BRPF3: variants seen among roughly 807,000 people sequenced by gnomAD.
BRPF3 encodes bromodomain and PHD finger-containing protein 3.
A neutral mutation model predicts 102.0 loss-of-function variants in BRPF3; 18 were observed. That is an observed-to-expected ratio of 0.18 (90% CI 0.12 to 0.26). The LOEUF is 0.26. Ranked by LOEUF, BRPF3 falls within the 10% of genes least tolerant of loss-of-function variation. The probability of loss-of-function intolerance (pLI) is 1.00; values close to 1 mark genes in which losing one functional copy is unlikely to be tolerated. For synonymous variants in BRPF3, 570 were observed against 614.2 expected (o/e 0.93, Z 1.06); for missense variants, 1,147 against 1,567.8 (o/e 0.73, Z 4.53).
intron 1 of BRPF3, 37 bp downstream of exon 1, chr6:36,197,007 G>A (rs1238418438): frequency 3.3e-5 from 5 of 151,994 alleles, no homozygotes; most frequent in Non-Finnish European, 7.3e-5. Context: ...CAGAGCGGGG[G>A]CGGGGGCATC....
At chr6:36,198,466 C>CT (rs1767585408) in intron 1 of BRPF3, among the ~76,000 whole-genome samples, 1 of 152,324 alleles carries the variant, frequency 6.6e-6, no homozygotes, top group Non-Finnish European at 1.5e-5. Context: ...TTAATTCCCA[C>CT]TGAGAGGAAT....
intron 10 of BRPF3, among the ~76,000 whole-genome samples, chr6:36,222,869 A>G (rs577779310): frequency 6.6e-6 from 1 of 152,362 alleles, no homozygotes; most frequent in African/African-American, 2.4e-5. Flanking sequence ...TTTTATATCC[A>G]TAGGGAGCCT....
intron 8 of BRPF3, among the ~76,000 whole-genome samples, chr6:36,216,154 T>C (rs1768321553): frequency 6.6e-6 from 1 of 152,204 alleles, no homozygotes; most frequent in African/African-American, 2.4e-5. Context: ...TCTCTGAGCC[T>C]GTTTCCTTAT....
In BRPF3 at chr6:36,230,359, G is replaced by T; in HGVS notation, c.3435-67G>T. On this transcript the variant is annotated intron_variant, in intron 12 of 12. Coordinates refer to ENST00000357641, the MANE Select transcript of BRPF3 (RefSeq NM_015695.3). This position sits in a 1 kb window ranked among gnomAD's most constrained non-coding sequence, Gnocchi z 5.4. ...GCTTTGCTGGTCCTGGCCAAGTGGG[G>T]CCACAGGAGCCCGAGCCCCCTGTGA... is the stretch of plus-strand genomic sequence containing the variant. 2 of 1,532,974 alleles carry T rather than the reference G, an allele frequency of 1.3e-6. No individual in the cohort carries two copies. The highest frequency in any genetic ancestry group is 1.7e-5 in the Admixed American group (1 of 57,588). The allele number at this position is 1,532,974 out of a possible 1,614,324, so 95.0% of individuals were successfully genotyped here.
rs140652192 is a variant in BRPF3 at position 36,232,671 on chromosome 6, A to C, written c.*2062A>C. ...TTGTTTATAACAGATGGTATAAGAG[A>C]GGTAATAAACAGAGAAAAATCTATG... is the stretch of plus-strand genomic sequence containing the variant. On this transcript the variant is annotated 3_prime_UTR_variant, in exon 13 of 13. Transcript: ENST00000357641. The C allele has an allele frequency of 2.0e-5, 3 of 152,776 alleles. No individual in the cohort carries two copies. Among genetic ancestry groups the C allele is most frequent in the African/African-American group, 7.2e-5 (3 of 41,578 alleles). 9.5% of individuals were successfully genotyped at this position (152,776 alleles called of 1,614,324 possible). A position where few individuals can be genotyped will look rare whatever the true frequency, so the allele number is the denominator to read the frequency against.
intron 10 of BRPF3, among the ~76,000 whole-genome samples, chr6:36,222,748 A>G (rs936403357): frequency 1.3e-5 from 2 of 152,290 alleles, no homozygotes; most frequent in South Asian, 4.1e-4. Context: ...GTGTCCCATT[A>G]TATAGGAATG....
chr6:36,208,725 AATGAG>A (rs531924733), intron 4 of BRPF3, among the ~76,000 whole-genome samples: 115 of 152,336 alleles, frequency 7.5e-4, no homozygotes, highest in African/African-American at 2.3e-3. Flanking sequence ...GGTTCAGAGA[AATGAG>A]AGAGAGAAGA....
chr6:36,210,085 C>T lies in BRPF3; in HGVS notation c.1867-131C>T. The T allele has an allele frequency of 7.1e-7, 1 of 1,416,962 alleles. No homozygotes were observed. The highest frequency in any genetic ancestry group is 9.8e-7 in the Non-Finnish European group (1 of 1,021,048). The allele number at this position is 1,416,962 out of a possible 1,614,324, so 87.8% of individuals were successfully genotyped here. A position where few individuals can be genotyped will look rare whatever the true frequency, so the allele number is the denominator to read the frequency against. On this transcript the variant is annotated intron_variant, in intron 5 of 12. Transcript: ENST00000357641. The surrounding 1 kb of genome is among the most constrained non-coding windows in gnomAD (Gnocchi z 4.7). The stretch of plus-strand genomic sequence containing the variant: ...GAGGGGTCAGCAGGCCAGGGTGGGC[C>T]AGGACTGTAGGTCTTTGAGTTAGCC...
chr6:36,216,190 A>T (rs1037276825), intron 8 of BRPF3, among the ~76,000 whole-genome samples: 21 of 152,206 alleles, frequency 1.4e-4, no homozygotes, highest in Non-Finnish European at 3.1e-4. Flanking sequence ...TCTGATACCT[A>T]CCTTGCAGGG....
chr6:36,225,001 A>T (rs948934416), intron 10 of BRPF3, among the ~76,000 whole-genome samples: 2 of 152,256 alleles, frequency 1.3e-5, no homozygotes, highest in African/African-American at 4.8e-5. Context: ...CTTTCATGCT[A>T]TAACAACAGC....
At position 36,196,746 on chromosome 6, in the gene BRPF3, G is replaced by GGCGGCA. The variant is rs1191205639; in HGVS notation, c.-242_-237dup. The GGCGGCA allele has an allele frequency of 2.0e-5, 3 of 153,102 alleles. No homozygotes were observed. Among genetic ancestry groups the GGCGGCA allele is most frequent in the Admixed American group, 6.6e-5 (1 of 15,164 alleles). The allele number at this position is 153,102 out of a possible 1,614,324, so 9.5% of individuals were successfully genotyped here. The stretch of plus-strand genomic sequence containing the variant: ...CTCCCTCCCCTCGGCCGGGCTCCGT[G>GGCGGCA]GCGGCAGCGGCAGCAGCGGCGGCTC... On this transcript the variant is annotated 5_prime_UTR_variant, in exon 1 of 13. Transcript: ENST00000357641.
At position 36,210,592 on chromosome 6, in the gene BRPF3, G is replaced by A. The variant is rs1338327150; in HGVS notation, c.2179+64G>A. On this transcript the variant is annotated intron_variant, in intron 6 of 12. Coordinates refer to ENST00000357641, the MANE Select transcript of BRPF3 (RefSeq NM_015695.3). This position sits in a 1 kb window ranked among gnomAD's most constrained non-coding sequence, Gnocchi z 4.7. The stretch of plus-strand genomic sequence containing the variant: ...AGGAGGCACAGGAACAGAGTCTACA[G>A]AGTGAGGGATCAGGGTGGTCCTTGG... The A allele has an allele frequency of 6.8e-7, 1 of 1,478,178 alleles. No homozygotes were observed. Among genetic ancestry groups the A allele is most frequent in the African/African-American group, 1.4e-5 (1 of 71,312 alleles). The allele number at this position is 1,478,178 out of a possible 1,614,324, so 91.6% of individuals were successfully genotyped here. A position where few individuals can be genotyped will look rare whatever the true frequency, so the allele number is the denominator to read the frequency against.
chr6:36,223,103 T>G (rs1768608646), intron 10 of BRPF3, among the ~76,000 whole-genome samples: 1 of 152,086 alleles, frequency 6.6e-6, no homozygotes, highest in African/African-American at 2.4e-5. Context: ...GTGGGACAGG[T>G]GCAGAGCAGG....
Position 36,230,369 on chromosome 6 carries a change from C to A in BRPF3, c.3435-57C>A. On this transcript the variant is annotated intron_variant, in intron 12 of 12. Transcript: ENST00000357641. This position sits in a 1 kb window ranked among gnomAD's most constrained non-coding sequence, Gnocchi z 5.4. ...TCCTGGCCAAGTGGGGCCACAGGAGCCCGAGCCCCCTGTGAGACCCACTAC... is the reference window on the plus strand; with the variant it reads ...TCCTGGCCAAGTGGGGCCACAGGAGACCGAGCCCCCTGTGAGACCCACTAC... 1 of 1,558,688 alleles carries A rather than the reference C, an allele frequency of 6.4e-7. No individual in the cohort carries two copies. The highest frequency in any genetic ancestry group is 8.8e-7 in the Non-Finnish European group (1 of 1,138,580).
At position 36,202,023 on chromosome 6, in the gene BRPF3, A is replaced by C. The variant is rs142013926; in HGVS notation, c.1448+253A>C. 1.2e-3 allele frequency among the ~76,000 whole-genome samples: 189 copies of C among 152,334 alleles called. 4 individuals are homozygous for C. Among genetic ancestry groups the C allele is most frequent in the African/African-American group, 4.3e-3 (178 of 41,562 alleles). On this transcript the variant is annotated intron_variant, in intron 2 of 12. Coordinates refer to ENST00000357641, the MANE Select transcript of BRPF3 (RefSeq NM_015695.3). ...TAGAAACTCAGGTGATAGGATATCT[A>C]AGACAGTATTTTTCAATAGGGGCAC... is the stretch of plus-strand genomic sequence containing the variant.
rs1767698121 is a variant in BRPF3 at position 36,201,512 on chromosome 6, A to T, written c.1190A>T (p.Lys397Met). 6.2e-7 allele frequency: 1 copy of T among 1,614,080 alleles called. No homozygotes were observed. The highest frequency in any genetic ancestry group is 1.3e-5 in the African/African-American group (1 of 74,938). The change falls in exon 2 of 13, where the codon AAG (lysine) becomes ATG (methionine). Residue 397 changes from lysine to methionine, a missense_variant. Physicochemically the swap from Lys to Met is moderately conservative, Grantham distance 95 (BLOSUM62 -1). Coordinates refer to ENST00000357641, the MANE Select transcript of BRPF3 (RefSeq NM_015695.3). The surrounding 1 kb of genome is among the most constrained non-coding windows in gnomAD (Gnocchi z 5.1). ...CCAGGTGCGGCCACTGCTAGGAGGA[A>T]GGGCGACTCCCCTAGAAGCATCAGT... ...SPPGAATARR[K>M]GDSPRSISET...
At chr6:36,221,843 A>C (rs775581870) in intron 9 of BRPF3, among the ~76,000 whole-genome samples, 4 of 152,226 alleles carry the variant, frequency 2.6e-5, no homozygotes, top group Non-Finnish European at 4.4e-5. Flanking sequence ...GTCATGGCAA[A>C]GCTGCTTAGA....
intron 11 of BRPF3, among the ~76,000 whole-genome samples, chr6:36,228,350 A>G (rs1217644341): frequency 6.6e-6 from 1 of 152,180 alleles, no homozygotes; most frequent in Non-Finnish European, 1.5e-5. Context: ...GCAAACCTGA[A>G]GGAGAAGGGC....
Position 36,202,628 on chromosome 6 carries a change from A to G in BRPF3, c.1448+858A>G, listed in dbSNP as rs371426474. Among the ~76,000 whole-genome samples, 30 of 152,286 alleles carry G rather than the reference A, an allele frequency of 2.0e-4. No individual in the cohort carries two copies. In the East Asian group the frequency reaches 3.3e-3, roughly 17 times the overall value. ...AGGAGTCTTGGAGACTGTTCATCTG[A>G]TGTAGTCCTTGCACCTTCTCCCACA... On this transcript the variant is annotated intron_variant, in intron 2 of 12. Transcript: ENST00000357641.
Sources: gnomAD v4.1 joint callset for allele counts (sites outside exome capture counted in the v4.1 genomes callset) on GRCh38, gnomAD v4.1.1 for gene constraint, Gnocchi (gnomAD v3.1) non-coding constraint, MANE v1.5 for transcripts, NCBI Gene and HGNC (gene_info 2026-07-23, HGNC 2026-07-21) for gene names.